LRRC4C: variants seen among roughly 807,000 people sequenced by gnomAD.
LRRC4C encodes leucine-rich repeat-containing protein 4C.
Under a neutral mutation model 33.6 loss-of-function variants are expected in LRRC4C, and 5 were observed. That is an observed-to-expected ratio of 0.15 (90% confidence interval 0.08 to 0.31). The LOEUF (loss-of-function observed/expected upper bound fraction) is 0.31. LRRC4C is among the 10% of genes least tolerant of loss of function. The probability of loss-of-function intolerance (pLI) is 1.00; values close to 1 mark genes in which losing one functional copy is unlikely to be tolerated. For missense variants in LRRC4C, 560 were observed against 796.7 expected (o/e 0.70, Z 3.58); for synonymous variants, 329 against 302.0 (o/e 1.09, Z -0.93).
At chr11:40,863,345 T>G (rs537252336) in intron 2 of LRRC4C, among the ~76,000 whole-genome samples, 2 of 152,188 alleles carry the variant, frequency 1.3e-5, no homozygotes, top group East Asian at 1.9e-4. Flanking sequence ...TCATTCACTA[T>G]GCCAAGTAGA....
At chr11:40,958,568 G>T (rs570334870) in intron 1 of LRRC4C, among the ~76,000 whole-genome samples, 1 of 151,740 alleles carries the variant, frequency 6.6e-6, no homozygotes. Flanking sequence ...TTGGGTAAGC[G>T]CATAAACTCC....
At chr11:40,899,875 C>G (rs1336625692) in intron 2 of LRRC4C, among the ~76,000 whole-genome samples, 1 of 152,094 alleles carries the variant, frequency 6.6e-6, no homozygotes, top group African/African-American at 2.4e-5. Context: ...GGTTCACAGA[C>G]TTTTTCCATT....
At chr11:40,544,359 A>G (rs72885153) in intron 3 of LRRC4C, among the ~76,000 whole-genome samples, 16,443 of 152,086 alleles carry the variant, frequency 0.11, 1,913 homozygotes, top group African/African-American at 0.29. Flanking sequence ...TGCACTTCCC[A>G]TGACCTCCTT....
intron 1 of LRRC4C, among the ~76,000 whole-genome samples, chr11:41,403,569 CTA>C (rs1372834956): frequency 6.6e-6 from 1 of 152,012 alleles, no homozygotes. Context: ...TGTATGATAA[CTA>C]TGCAAGCTGT....
intron 1 of LRRC4C, among the ~76,000 whole-genome samples, chr11:41,183,531 A>T (rs1945549686): frequency 1.3e-5 from 2 of 152,282 alleles, no homozygotes; most frequent in East Asian, 3.9e-4. Context: ...CACCCAGGTC[A>T]TGCTGGTGCA....
intron 1 of LRRC4C, among the ~76,000 whole-genome samples, chr11:41,224,217 C>T (rs2136407720): frequency 6.6e-6 from 1 of 152,250 alleles, no homozygotes; most frequent in South Asian, 2.1e-4. Context: ...ATCATCTGTT[C>T]TTTTTACTGA....
intron 3 of LRRC4C, among the ~76,000 whole-genome samples, chr11:40,352,960 C>T (rs547949332): frequency 6.6e-6 from 1 of 152,198 alleles, no homozygotes; most frequent in Admixed American, 6.5e-5. Flanking sequence ...TTTGGAGCAC[C>T]TTTGTATGTT....
chr11:41,093,927 CA>C (rs56173087), intron 1 of LRRC4C, among the ~76,000 whole-genome samples: 2,083 of 59,014 alleles, frequency 0.035, 48 homozygotes, highest in African/African-American at 0.13. Flanking sequence ...CCGTCTCCAC[CA>C]AAAAAAAAAA....
chr11:41,021,151 G>A (rs77416603), intron 1 of LRRC4C, among the ~76,000 whole-genome samples: 8,252 of 140,140 alleles, frequency 0.059, 266 homozygotes, highest in South Asian at 0.11. Flanking sequence ...TCCCAATCGT[G>A]CATCTGAGAG....
intron 3 of LRRC4C, among the ~76,000 whole-genome samples, chr11:40,470,257 C>T (rs998125002): frequency 1.3e-5 from 2 of 152,156 alleles, no homozygotes; most frequent in Non-Finnish European, 2.9e-5. Context: ...TGGAGTAGAC[C>T]TCTAGCACAC....
At chr11:41,142,184 T>A (rs976548001) in intron 1 of LRRC4C, among the ~76,000 whole-genome samples, 4 of 152,100 alleles carry the variant, frequency 2.6e-5, no homozygotes, top group African/African-American at 9.7e-5. Flanking sequence ...TAATAGGTTT[T>A]CAGCTGTCGC....
chr11:40,120,232 G>C (rs1044653933), intron 6 of LRRC4C, among the ~76,000 whole-genome samples: 11 of 152,050 alleles, frequency 7.2e-5, no homozygotes, highest in African/African-American at 2.4e-4. Context: ...AAACAAAAAG[G>C]CCTGGCTCAT....
At chr11:41,046,388 G>A (rs372463779) in intron 1 of LRRC4C, among the ~76,000 whole-genome samples, 6 of 152,014 alleles carry the variant, frequency 3.9e-5, no homozygotes, top group African/African-American at 1.2e-4. Context: ...TTGGGGACCC[G>A]GAGGGATTAT....
intron 3 of LRRC4C, among the ~76,000 whole-genome samples, chr11:40,358,855 C>CATTT (rs1460954782): frequency 6.6e-6 from 1 of 152,044 alleles, no homozygotes; most frequent in Non-Finnish European, 1.5e-5. Context: ...GCTATTCATT[C>CATTT]ATTCATTTAT....
At chr11:40,476,344 T>TC (rs1555074968) in intron 3 of LRRC4C, among the ~76,000 whole-genome samples, 3 of 124,380 alleles carry the variant, frequency 2.4e-5, no homozygotes, top group African/African-American at 6.9e-5. Flanking sequence ...TTTTTCTTCT[T>TC]TTTTTTTTTT....
chr11:40,385,594 G>A (rs914025740), intron 3 of LRRC4C, among the ~76,000 whole-genome samples: 2 of 151,884 alleles, frequency 1.3e-5, no homozygotes, highest in East Asian at 1.9e-4. Context: ...GGCTGGGTGC[G>A]GTAGTGGCTC....
At chr11:40,787,565 T>C (rs1950462634) in intron 2 of LRRC4C, among the ~76,000 whole-genome samples, 1 of 152,222 alleles carries the variant, frequency 6.6e-6, no homozygotes, top group Non-Finnish European at 1.5e-5. Flanking sequence ...TACTCTCTGA[T>C]GCTGATCACT....
chr11:40,834,206 G>C (rs1174426299), intron 2 of LRRC4C, among the ~76,000 whole-genome samples: 1 of 152,092 alleles, frequency 6.6e-6, no homozygotes, highest in Non-Finnish European at 1.5e-5. Context: ...AGGTGCGGTG[G>C]CTCATGCCTG....
chr11:40,163,203 A>G (rs1049638806), intron 5 of LRRC4C, among the ~76,000 whole-genome samples: 1 of 152,238 alleles, frequency 6.6e-6, no homozygotes, highest in Non-Finnish European at 1.5e-5. Flanking sequence ...GTGTAAGAAC[A>G]TTAATATCCA....
Sources: allele counts gnomAD v4.1 joint callset (sites outside exome capture counted in the v4.1 genomes callset), GRCh38; gene constraint gnomAD v4.1.1; transcripts MANE v1.5; gene names NCBI Gene and HGNC (gene_info 2026-07-23, HGNC 2026-07-21).